The following ASPHD1 variants were observed in gnomAD, a reference collection of about 807,000 sequenced individuals.
ASPHD1 encodes aspartate beta-hydroxylase domain containing 1.
A neutral mutation model predicts 28.3 loss-of-function variants in ASPHD1; 20 were observed. The observed-to-expected ratio is 0.71, with a 90% CI of 0.50 to 1.03. The LOEUF is 1.03. ASPHD1 is among the 50% of genes least tolerant of loss of function. The probability of loss-of-function intolerance (pLI) is 0.00; values close to 1 mark genes in which losing one functional copy is unlikely to be tolerated. For missense variants in ASPHD1, 479 were observed against 524.1 expected (o/e 0.91, Z 0.84); for synonymous variants, 240 against 221.2 (o/e 1.08, Z -0.75).
chr16:29,910,709 T>C (rs903069067), downstream of ASPHD1, among the ~76,000 whole-genome samples: 2 of 152,118 alleles, frequency 1.3e-5, no homozygotes, highest in African/African-American at 4.8e-5. Flanking sequence ...GAAAAATGCA[T>C]ACACCCCCAT....
intron 3 of ASPHD1, chr16:29,912,178 A>G: frequency 1.5e-6 from 1 of 679,918 alleles, no homozygotes. Flanking sequence ...TGCAGGCTCC[A>G]AGCTCCGCCA....
Position 29,905,951 on chromosome 16 carries a change from G to T in ASPHD1, c.*54G>T. Reference sequence around the variant, plus strand: ...CTGGAGAGACACTGCGCTCAGGGACGGCTTGATGGTAGCCAGGACCTCCTC... The same window carrying T: ...CTGGAGAGACACTGCGCTCAGGGACTGCTTGATGGTAGCCAGGACCTCCTC... On this transcript the variant is annotated 3_prime_UTR_variant, in exon 3 of 3. Transcript: ENST00000308748. 2 of 1,424,864 alleles carry T rather than the reference G, an allele frequency of 1.4e-6. No homozygotes were observed. The highest frequency in any genetic ancestry group is 9.8e-7 in the Non-Finnish European group (1 of 1,022,452). The allele number at this position is 1,424,864 out of a possible 1,614,324, so 88.3% of individuals were successfully genotyped here.
At chr16:29,905,153 T>G in intron 2 of ASPHD1, 188 bp downstream of exon 2, 1 of 529,542 alleles carries the variant, frequency 1.9e-6, no homozygotes, top group South Asian at 2.3e-5. Flanking sequence ...ATCAAGTAAC[T>G]GCAAGGATTA....
At chr16:29,903,051 C>T (rs2068568527) in intron 1 of ASPHD1, among the ~76,000 whole-genome samples, 1 of 151,274 alleles carries the variant, frequency 6.6e-6, no homozygotes, top group African/African-American at 2.4e-5. Context: ...CCATGCTTGG[C>T]TGATTTTTTA....
At chr16:29,909,725 G>T (rs2068673101), downstream of ASPHD1, among the ~76,000 whole-genome samples, 1 of 147,736 alleles carries the variant, frequency 6.8e-6, no homozygotes, top group African/African-American at 2.5e-5. Context: ...GGCTCACTCT[G>T]TCTCCTAGGA....
chr16:29,909,689 T>C (rs965676276), downstream of ASPHD1, among the ~76,000 whole-genome samples: 15 of 140,660 alleles, frequency 1.1e-4, no homozygotes, highest in Non-Finnish European at 1.4e-4. Flanking sequence ...TGAGTTTCCC[T>C]TTTTTTTTTT....
rs2068727213 is a variant in ASPHD1 at position 29,912,268 on chromosome 16, TG to T, written c.*62+6310del. ...CTGCTTCACACATCCAGCTTGTGCC[TG>T]CCCCGGCCACTGGCTGTGCCCCTGC... is the stretch of plus-strand genomic sequence containing the variant. On this transcript the variant is annotated intron_variant and NMD_transcript_variant, in intron 3 of 3. Coordinates refer to the ASPHD1 transcript ENST00000414952. 5.2e-6 allele frequency: 3 copies of T among 581,132 alleles called. No homozygotes were observed. The African/African-American group carries it at 5.7e-5, about 11-fold the overall frequency. 36.0% of individuals were successfully genotyped at this position (581,132 alleles called of 1,614,324 possible). A position where few individuals can be genotyped will look rare whatever the true frequency, so the allele number is the denominator to read the frequency against.
downstream of ASPHD1, chr16:29,911,018 C>T (rs1332086250): frequency 6.2e-7 from 1 of 1,614,118 alleles, no homozygotes; most frequent in Admixed American, 1.7e-5. Flanking sequence ...AATGGAGGTG[C>T]AGCACACCTC....
At chr16:29,917,214 T>G (rs2068825125) in intron 3 of ASPHD1, among the ~76,000 whole-genome samples, 1 of 152,158 alleles carries the variant, frequency 6.6e-6, no homozygotes, top group African/African-American at 2.4e-5. Context: ...GCTGGCTACC[T>G]CTGGACTGTT....
In ASPHD1 at chr16:29,901,760, C is replaced by A; in HGVS notation, c.789C>A (p.Ser263Arg). ...ACCAAGCAGGCCGGTGCCAACCCAG[C>A]AACTGCCGCCGGTGCCCGGGGGCCT... ...LLYQAGRCQP[S>R]NCRRCPGAYR... Residue 263 changes from serine (S) to arginine (R), a missense_variant, in exon 1 of 3, where the codon AGC (serine) becomes AGA (arginine). Physicochemically the swap from Ser to Arg is moderately radical, Grantham distance 110 (BLOSUM62 -1). Transcript: ENST00000308748. The surrounding 1 kb of genome is among the most constrained non-coding windows in gnomAD (Gnocchi z 5.1). 1.3e-6 allele frequency: 2 copies of A among 1,550,072 alleles called. No homozygotes were observed. The highest frequency in any genetic ancestry group is 1.2e-5 in the South Asian group (1 of 82,552).
At chr16:29,911,876 G>T in intron 3 of ASPHD1, 2 of 1,612,318 alleles carry the variant, frequency 1.2e-6, no homozygotes, top group Non-Finnish European at 1.7e-6. Context: ...GGCTGGCGGG[G>T]GAGAGAGGAT....
intron 3 of ASPHD1, chr16:29,914,903 A>G: frequency 6.6e-6 from 1 of 152,116 alleles, no homozygotes; most frequent in Non-Finnish European, 1.5e-5. Context: ...GCTACTCAGG[A>G]GGCCAAGGTG....
rs1413606774 is a variant in ASPHD1 at position 29,901,448 on chromosome 16, G to A, written c.477G>A (p.Trp159Ter). Residue 159 changes from tryptophan to a stop codon, truncating the protein, a stop_gained, in exon 1 of 3, where the codon TGG (tryptophan) becomes TGA (stop). Transcript: ENST00000308748. LOFTEE classifies it high-confidence loss of function. This position sits in a 1 kb window ranked among gnomAD's most constrained non-coding sequence, Gnocchi z 5.1. ...GGGCCTACGCAAGGCGCTACTCCTG[G>A]GCTGGGATGGGTAGAGTGAGGCGGG... ...RLRAYARRYS[W>*]AGMGRVRRAA... 6 of 1,604,822 alleles carry A rather than the reference G, an allele frequency of 3.7e-6. No homozygotes were observed. The African/African-American group carries it at 4.0e-5, about 11-fold the overall frequency.
intron 3 of ASPHD1, among the ~76,000 whole-genome samples, chr16:29,915,950 TTTTCA>T (rs2068802208): frequency 6.6e-6 from 1 of 152,196 alleles, no homozygotes; most frequent in African/African-American, 2.4e-5. Flanking sequence ...TTCAGGCTCT[TTTTCA>T]TTTAAGTGTT....
At chr16:29,909,404 C>A (rs1174138983), downstream of ASPHD1, among the ~76,000 whole-genome samples, 3 of 152,158 alleles carry the variant, frequency 2.0e-5, no homozygotes, top group Non-Finnish European at 4.4e-5. Context: ...AGAAATAGCA[C>A]TGAGTGCTTA....
chr16:29,906,045 ATCCTC>A lies in ASPHD1; in HGVS notation c.*153_*157del. 1.8e-6 allele frequency: 1 copy of A among 561,936 alleles called. No homozygotes were observed. Among genetic ancestry groups the A allele is most frequent in the South Asian group, 2.5e-5 (1 of 39,560 alleles). The allele number at this position is 561,936 out of a possible 1,614,324, so 34.8% of individuals were successfully genotyped here. On this transcript the variant is annotated 3_prime_UTR_variant, in exon 3 of 3. Coordinates refer to ENST00000308748, the MANE Select transcript of ASPHD1 (RefSeq NM_181718.4). ...GTGAGCACTGAAATATAAATTCTGA[ATCCTC>A]TCCTAACTCCCGACTACTTCCTTCG...
intron 3 of ASPHD1, chr16:29,911,256 C>T (rs1181682808): frequency 1.6e-5 from 17 of 1,066,252 alleles, no homozygotes; most frequent in Non-Finnish European, 2.1e-5. Context: ...GGATGCATTC[C>T]CAGTCCTCTG....
chr16:29,901,413 C>G lies in ASPHD1; in HGVS notation c.442C>G (p.Arg148Gly). Residue 148 changes from arginine (R) to glycine (G), a missense_variant, in exon 1 of 3, where the codon CGG (arginine) becomes GGG (glycine). Transcript: ENST00000308748. The surrounding 1 kb of genome is among the most constrained non-coding windows in gnomAD (Gnocchi z 5.1). ...EGPRTEGLVS[R>G]RLRAYARRYS... ...ACCTAGGACGGAAGGCCTAGTGAGC[C>G]GGCGGCTTCGGGCCTACGCAAGGCG... 6.3e-7 allele frequency: 1 copy of G among 1,590,036 alleles called. No homozygotes were observed. The highest frequency in any genetic ancestry group is 1.1e-5 in the South Asian group (1 of 88,540).
At position 29,901,018 on chromosome 16, in the gene ASPHD1, A is replaced by G. The variant is rs2068535289; in HGVS notation, c.47A>G (p.Lys16Arg). The G allele has an allele frequency of 1.8e-5, 29 of 1,572,752 alleles. No individual in the cohort carries two copies. The highest frequency in any genetic ancestry group is 2.5e-5 in the Non-Finnish European group (29 of 1,158,462). The change falls in exon 1 of 3, where the codon AAG (lysine) becomes AGG (arginine). Residue 16 changes from lysine to arginine, a missense_variant. Transcript: ENST00000308748. The surrounding 1 kb of genome is among the most constrained non-coding windows in gnomAD (Gnocchi z 5.1). ...GSFSVERGPR[K>R]ERETAQSGMW... ...TTCAGCGTGGAGAGAGGACCGCGGA[A>G]GGAGAGAGAGACAGCCCAGAGTGGA...
Sources: gnomAD v4.1 joint callset for allele counts (sites outside exome capture counted in the v4.1 genomes callset) on GRCh38, gnomAD v4.1.1 for gene constraint, Gnocchi (gnomAD v3.1) non-coding constraint, MANE v1.5 for transcripts, NCBI Gene and HGNC (gene_info 2026-07-23, HGNC 2026-07-21) for gene names.